Variants in CACNA1A observed in about 807,000 individuals in gnomAD.
CACNA1A encodes the protein calcium voltage-gated channel subunit alpha1 A.
CACNA1A carries 57 observed loss-of-function variants against 262.4 expected under a neutral mutation model. The ratio of observed to expected loss-of-function variants is 0.22; its 90% CI spans 0.18 to 0.27. CACNA1A has a LOEUF of 0.27. Ranked by LOEUF, CACNA1A falls within the 10% of genes least tolerant of loss-of-function variation. The pLI is 1.00. For missense variants in CACNA1A, 2,526 were observed against 3,562.8 expected (o/e 0.71, Z 7.41); for synonymous variants, 1,431 against 1,419.3 (o/e 1.01, Z -0.18).
In CACNA1A at chr19:13,212,888, C is replaced by T. The variant is rs772281281; in HGVS notation, c.5941-148G>A. On this transcript the variant is annotated intron_variant, in intron 40 of 46. Transcript: ENST00000360228. The surrounding 1 kb of genome is among the most constrained non-coding windows in gnomAD (Gnocchi z 5.6). ...ATCCATCTAGACCCTTCCAATTCCA[C>T]GCAGAACTGGACCACTTCTCACTCC... is the stretch of plus-strand genomic sequence containing the variant. The T allele has an allele frequency of 2.0e-5, 9 of 459,756 alleles. 1 individual carries two copies. The highest frequency in any genetic ancestry group is 1.1e-4 in the South Asian group (2 of 18,150). The allele number at this position is 459,756 out of a possible 1,614,324, so 28.5% of individuals were successfully genotyped here.
chr19:13,271,214 G>GTTTTTTTTGTTTTTTTTGTTTTTTTTT (rs2057009117), intron 24 of CACNA1A: 5 of 80,448 alleles, frequency 6.2e-5, no homozygotes, highest in African/African-American at 2.6e-4. Context: ...TCATTCTGCT[G>GTTTTTTTTGTTTTTTTTGTTTTTTTTT]TTTTTTTTTT....
intron 3 of CACNA1A, among the ~76,000 whole-genome samples, chr19:13,432,097 C>T (rs1485700538): frequency 8.0e-6 from 1 of 124,226 alleles, no homozygotes. Flanking sequence ...GAGTGAGACT[C>T]CGTCTCAAAA....
intron 3 of CACNA1A, among the ~76,000 whole-genome samples, chr19:13,403,801 A>C (rs541659047): frequency 6.6e-5 from 10 of 152,052 alleles, no homozygotes; most frequent in South Asian, 2.1e-4. Flanking sequence ...ACAAAAAAAA[A>C]CTTTAAATTA....
chr19:13,501,553 C>A (rs1253562937), intron 1 of CACNA1A, among the ~76,000 whole-genome samples: 1 of 152,082 alleles, frequency 6.6e-6, no homozygotes, highest in East Asian at 1.9e-4. Flanking sequence ...CCAACCCTAG[C>A]CCATGAACTT....
chr19:13,307,973 T>G (rs1267875404), intron 14 of CACNA1A, 119 bp from the exon 15 acceptor site: 4 of 1,388,058 alleles, frequency 2.9e-6, no homozygotes, highest in Non-Finnish European at 4.0e-6. Flanking sequence ...CAGGAAACCC[T>G]GAGTGGTACC....
At chr19:13,348,987 G>T (rs1200840691) in intron 6 of CACNA1A, among the ~76,000 whole-genome samples, 2 of 130,550 alleles carry the variant, frequency 1.5e-5, no homozygotes, top group Admixed American at 8.6e-5. Flanking sequence ...TAGCCTGGGT[G>T]ACAGAGTGAG....
rs746023227 is a variant in CACNA1A at position 13,207,579 on chromosome 19, C to T, written c.7255G>A (p.Asp2419Asn). Residue 2419 changes from aspartate to asparagine, a missense_variant, in exon 47 of 47, where the codon GAT (aspartate) becomes AAT (asparagine). This residue lies in a region of CACNA1A where 929 missense variants were observed against 868.1 expected (regional missense o/e 1.07). Coordinates refer to ENST00000360228, the MANE Select transcript of CACNA1A (RefSeq NM_001127222.2). This position sits in a 1 kb window ranked among gnomAD's most constrained non-coding sequence, Gnocchi z 5.7. ...TCGCCGCCCCCGCTGCCCGGGCCAT[C>T]GGCCTCGTCGTAGTCGGAGCCCCGG... ...YYRGSDYDEA[D>N]GPGSGGGEEA... 4.7e-6 allele frequency: 7 copies of T among 1,477,074 alleles called. No homozygotes were observed. The South Asian group carries it at 5.1e-5, about 11-fold the overall frequency. The allele number at this position is 1,477,074 out of a possible 1,614,324, so 91.5% of individuals were successfully genotyped here.
chr19:13,413,100 GTT>G (rs143741127), intron 3 of CACNA1A, among the ~76,000 whole-genome samples: 14 of 114,766 alleles, frequency 1.2e-4, no homozygotes, highest in Non-Finnish European at 1.6e-4. Flanking sequence ...AAAGTTTTTT[GTT>G]TTTTTTTTTT....
chr19:13,343,719 T>C (rs1568554106), intron 6 of CACNA1A, among the ~76,000 whole-genome samples: 1 of 152,108 alleles, frequency 6.6e-6, no homozygotes, highest in East Asian at 1.9e-4. Flanking sequence ...CGCAACATGC[T>C]CCTGAACAAC....
At chr19:13,352,949 T>G (rs1308648019) in intron 6 of CACNA1A, among the ~76,000 whole-genome samples, 2 of 152,058 alleles carry the variant, frequency 1.3e-5, no homozygotes, top group African/African-American at 4.8e-5. Flanking sequence ...ATTTTTGTAT[T>G]TTTAGTAGAG....
intron 1 of CACNA1A, among the ~76,000 whole-genome samples, chr19:13,457,608 T>G (rs1450766795): frequency 6.6e-6 from 1 of 152,134 alleles, no homozygotes; most frequent in Non-Finnish European, 1.5e-5. Flanking sequence ...CCCAGCACTT[T>G]GGAAGGCCGA....
intron 3 of CACNA1A, among the ~76,000 whole-genome samples, chr19:13,388,026 G>T (rs1039483833): frequency 6.6e-6 from 1 of 151,952 alleles, no homozygotes; most frequent in African/African-American, 2.4e-5. Context: ...GCAGGGGAGG[G>T]GATGGGGATG....
Position 13,210,622 on chromosome 19 carries a change from G to A in CACNA1A, c.6334C>T (p.Leu2112Phe). 6.4e-7 allele frequency: 1 copy of A among 1,565,194 alleles called. No individual in the cohort carries two copies. Residue 2112 changes from leucine (L) to phenylalanine (F), a missense_variant, in exon 44 of 47, where the codon CTC becomes TTC. Physicochemically the swap from Leu to Phe is conservative, Grantham distance 22. Transcript: ENST00000360228. ...RRRGRPRGNN[L>F]STISDTSPMK... The stretch of plus-strand genomic sequence containing the variant: ...TGGGCAGGCGCGGTACATACACTGA[G>A]GTTATTCCCACGTGGCCGGCCCCTT...
At chr19:13,246,649 A>C (rs2096965656) in intron 30 of CACNA1A, among the ~76,000 whole-genome samples, 1 of 151,528 alleles carries the variant, frequency 6.6e-6, no homozygotes, top group Non-Finnish European at 1.5e-5. Flanking sequence ...TTTTTGAGAC[A>C]GAGTCTCACT....
chr19:13,299,240 T>C lies in CACNA1A; in HGVS notation c.2393A>G (p.Asp798Gly), dbSNP rs1060499675. 7.5e-6 allele frequency: 12 copies of C among 1,609,218 alleles called. No individual in the cohort carries two copies. Among genetic ancestry groups the C allele is most frequent in the Non-Finnish European group, 1.0e-5 (12 of 1,179,844 alleles). ...GGCAGCCTTCCAGCGCTCGTCCGGGTCCATTTCGTTATACAGGGCCTCCCG... is the reference window on the plus strand; with the variant it reads ...GGCAGCCTTCCAGCGCTCGTCCGGGCCCATTTCGTTATACAGGGCCTCCCG... ...ASREALYNEM[D>G]PDERWKAAYT... The change falls in exon 19 of 47, where the codon GAC becomes GGC. Residue 798 changes from aspartate to glycine, a missense_variant. By Grantham distance (94) the Asp-to-Gly change is moderately conservative. Transcript: ENST00000360228.
At chr19:13,355,744 G>T (rs1050293866) in intron 6 of CACNA1A, among the ~76,000 whole-genome samples, 9 of 152,286 alleles carry the variant, frequency 5.9e-5, no homozygotes, top group African/African-American at 1.7e-4. Flanking sequence ...AGGAACCTTG[G>T]TCTTCTGACC....
At chr19:13,247,419 C>T (rs1009532465) in intron 30 of CACNA1A, among the ~76,000 whole-genome samples, 9 of 152,166 alleles carry the variant, frequency 5.9e-5, no homozygotes, top group African/African-American at 1.9e-4. Context: ...GGGGGCCGGG[C>T]GCGGTGGCTC....
chr19:13,347,788 T>C (rs1600392341), intron 6 of CACNA1A, among the ~76,000 whole-genome samples: 2 of 152,358 alleles, frequency 1.3e-5, no homozygotes, highest in East Asian at 1.9e-4. Context: ...CAGTGATTTA[T>C]AGTCCAAAGT....
At position 13,298,608 on chromosome 19, in the gene CACNA1A, C is replaced by T. The variant is rs1555755834; in HGVS notation, c.3025G>A (p.Ala1009Thr). 5 of 1,537,634 alleles carry T rather than the reference C, an allele frequency of 3.3e-6. No homozygotes were observed. Among genetic ancestry groups the T allele is most frequent in the Non-Finnish European group, 3.5e-6 (4 of 1,140,638 alleles). ...GERRRRHRHG[A>T]PATYEGDARR... The stretch of plus-strand genomic sequence containing the variant: ...GCGTCCCCCTCGTACGTGGCTGGAG[C>T]GCCATGCCGGTGCCTTCTCCTGCGC... The change falls in exon 19 of 47, where the codon GCT becomes ACT. Residue 1009 changes from alanine to threonine, a missense_variant. Ala to Thr is a moderately conservative substitution (Grantham distance 58). Around this residue, in one of 17 missense-constraint regions of CACNA1A, gnomAD observed 765 missense variants for 748.6 expected, o/e 1.02. Transcript: ENST00000360228.
Sources: allele counts gnomAD v4.1 joint callset (sites outside exome capture counted in the v4.1 genomes callset), GRCh38; gene constraint gnomAD v4.1.1; regional missense constraint gnomAD v4.1.1; non-coding constraint Gnocchi (gnomAD v3.1); transcripts MANE v1.5; gene names NCBI Gene and HGNC (gene_info 2026-07-23, HGNC 2026-07-21).